The following CASS4 variants were observed in gnomAD, a reference collection of about 807,000 sequenced individuals.
CASS4 encodes the protein cas scaffolding protein family member 4.
CASS4 carries 22 observed loss-of-function variants against 54.2 expected under a neutral mutation model. The observed-to-expected ratio is 0.41, with a 90% CI of 0.29 to 0.58. The LOEUF (loss-of-function observed/expected upper bound fraction) is 0.58. CASS4 is among the 20% of genes least tolerant of loss of function. The probability of loss-of-function intolerance (pLI) is 0.36; values close to 1 mark genes in which losing one functional copy is unlikely to be tolerated. For synonymous variants in CASS4, 409 were observed against 391.5 expected (o/e 1.04, Z -0.53); for missense variants, 854 against 986.7 (o/e 0.87, Z 1.80).
chr20:56,419,720 C>T (rs8117604), intron 1 of CASS4, among the ~76,000 whole-genome samples: 22,726 of 151,370 alleles, frequency 0.15, 4,821 homozygotes, highest in African/African-American at 0.48. Context: ...CGTGAGCCAC[C>T]GTGCCCGGCT....
chr20:56,458,321 T>C lies in CASS4; in HGVS notation c.1954-19T>C, dbSNP rs1981398858. 1.3e-6 allele frequency: 2 copies of C among 1,592,946 alleles called. No individual in the cohort carries two copies. The highest frequency in any genetic ancestry group is 2.2e-5 in the South Asian group (2 of 90,300). On this transcript the variant is annotated intron_variant, in intron 5 of 5. Coordinates refer to ENST00000679887, the MANE Select transcript of CASS4 (RefSeq NM_020356.4). The stretch of plus-strand genomic sequence containing the variant: ...CATTGATTGAATCTCCTATCTATTT[T>C]CTTCCTTCCCTTCTTTAGAATCCTG...
At chr20:56,447,680 T>C (rs1299730278) in intron 3 of CASS4, among the ~76,000 whole-genome samples, 2 of 152,144 alleles carry the variant, frequency 1.3e-5, no homozygotes, top group Non-Finnish European at 2.9e-5. Flanking sequence ...CTCCCTTAGC[T>C]CTGGGGCAGG....
intron 2 of CASS4, among the ~76,000 whole-genome samples, chr20:56,444,623 G>C (rs1198450111): frequency 6.6e-6 from 1 of 152,152 alleles, no homozygotes. Flanking sequence ...AAGTTCCCCA[G>C]GGGACTCGGA....
chr20:56,445,516 C>T (rs554730842), intron 2 of CASS4, among the ~76,000 whole-genome samples: 1 of 152,372 alleles, frequency 6.6e-6, no homozygotes, highest in Non-Finnish European at 1.5e-5. Context: ...ATCAGAGTCA[C>T]AGCCTCCTGG....
chr20:56,430,691 C>T lies in CASS4; in HGVS notation c.37-6473C>T, dbSNP rs566807244. Among the ~76,000 whole-genome samples the T allele has an allele frequency of 6.6e-6, 1 of 152,156 alleles. No individual in the cohort carries two copies. Among genetic ancestry groups the T allele is most frequent in the Non-Finnish European group, 1.5e-5 (1 of 68,034 alleles). ...TGTCCAGTGCTCCCTGCACGCCCAG[C>T]CTGACCATAACAGCCTGAGCCCAGC... On this transcript the variant is annotated intron_variant, in intron 1 of 5. Coordinates refer to ENST00000679887, the MANE Select transcript of CASS4 (RefSeq NM_020356.4). The surrounding 1 kb of genome is among the most constrained non-coding windows in gnomAD (Gnocchi z 4.2).
intron 2 of CASS4, among the ~76,000 whole-genome samples, chr20:56,442,676 C>A (rs983476731): frequency 1.4e-5 from 2 of 148,104 alleles, no homozygotes; most frequent in Non-Finnish European, 3.0e-5. Flanking sequence ...AAAAAAAAAA[C>A]CCACCACATC....
At chr20:56,445,766 C>T (rs934573269) in intron 2 of CASS4, 134 bp from the exon 3 acceptor site, 25 of 619,672 alleles carry the variant, frequency 4.0e-5, no homozygotes, top group Admixed American at 1.9e-4. Context: ...AAGAGCCTGC[C>T]AGCGGGGGTG....
chr20:56,456,457 T>C (rs1358360527), intron 5 of CASS4, among the ~76,000 whole-genome samples: 1 of 151,962 alleles, frequency 6.6e-6, no homozygotes, highest in East Asian at 1.9e-4. Context: ...CATTGCAATC[T>C]CCGCCTCACA....
intron 3 of CASS4, 28 bp from the exon 4 acceptor site, chr20:56,450,570 AG>A (rs1373579551): frequency 6.2e-7 from 1 of 1,602,682 alleles, no homozygotes. Flanking sequence ...GAAACATTCA[AG>A]TTGTCTGCCT....
At chr20:56,418,772 C>A (rs368527507) in intron 1 of CASS4, among the ~76,000 whole-genome samples, 1 of 152,126 alleles carries the variant, frequency 6.6e-6, no homozygotes, top group Non-Finnish European at 1.5e-5. Context: ...ATGTGTGTTA[C>A]GTTTGATTCA....
rs973640370 is a variant in CASS4 at position 56,449,809 on chromosome 20, G to A, written c.562-790G>A. Among the ~76,000 whole-genome samples the A allele has an allele frequency of 9.9e-5, 15 of 152,086 alleles. No homozygotes were observed. In the East Asian group the frequency reaches 1.7e-3, roughly 18 times the overall value. The stretch of plus-strand genomic sequence containing the variant: ...GATGTGCACAGTGTCATCCAGCTTC[G>A]TGTCTGGTCATTAGTGGGCACTCGT... On this transcript the variant is annotated intron_variant, in intron 3 of 5. Coordinates refer to ENST00000679887, the MANE Select transcript of CASS4 (RefSeq NM_020356.4).
At chr20:56,447,992 G>A (rs1568679770) in intron 3 of CASS4, among the ~76,000 whole-genome samples, 1 of 151,910 alleles carries the variant, frequency 6.6e-6, no homozygotes, top group Non-Finnish European at 1.5e-5. Context: ...AATACAAAAA[G>A]TTAGCCGGGC....
chr20:56,429,283 C>T (rs546793038), intron 1 of CASS4, among the ~76,000 whole-genome samples: 5 of 151,990 alleles, frequency 3.3e-5, no homozygotes, highest in South Asian at 2.1e-4. Context: ...TTCAGCAGTG[C>T]GTCCCTCCCT....
Position 56,424,476 on chromosome 20 carries a change from C to A in CASS4, c.36+11982C>A, listed in dbSNP as rs920577572. ...ACAGCTTCGGCCAGGCATGGTGGCT[C>A]ACGCCTGTAATCCTAGCACTTTGGG... On this transcript the variant is annotated intron_variant, in intron 1 of 5. Transcript: ENST00000679887. 5.9e-5 allele frequency among the ~76,000 whole-genome samples: 9 copies of A among 152,144 alleles called. 1 individual carries two copies.
At chr20:56,453,777 A>G (rs913071458) in intron 5 of CASS4, 1 of 152,480 alleles carries the variant, frequency 6.6e-6, no homozygotes, top group African/African-American at 2.4e-5. Context: ...TGGGAGTCTG[A>G]GTGGGGGTAT....
chr20:56,452,815 C>A lies in CASS4; in HGVS notation c.1639C>A (p.Leu547Ile), dbSNP rs1444501272. 1 of 1,614,028 alleles carries A rather than the reference C, an allele frequency of 6.2e-7. No homozygotes were observed. Among genetic ancestry groups the A allele is most frequent in the Non-Finnish European group, 8.5e-7 (1 of 1,180,018 alleles). Residue 547 changes from leucine to isoleucine, a missense_variant, in exon 5 of 6, where the codon CTT (leucine) becomes ATT (isoleucine). By Grantham distance (5) the Leu-to-Ile change is conservative. Coordinates refer to ENST00000679887, the MANE Select transcript of CASS4 (RefSeq NM_020356.4). ...TAATCGCAATTGGCCTCTGGAAGTTCTTGTGACTGACAGTGTCCAGAACAG... is the reference window on the plus strand; with the variant it reads ...TAATCGCAATTGGCCTCTGGAAGTTATTGTGACTGACAGTGTCCAGAACAG... ...LDNRNWPLEV[L>I]VTDSVQNSPD...
At chr20:56,443,877 C>G (rs1980581970) in intron 2 of CASS4, among the ~76,000 whole-genome samples, 1 of 152,162 alleles carries the variant, frequency 6.6e-6, no homozygotes, top group Non-Finnish European at 1.5e-5. Context: ...CTCAGATCCC[C>G]CAGGCGAGAG....
intron 2 of CASS4, among the ~76,000 whole-genome samples, chr20:56,439,205 G>A (rs1181152032): frequency 1.3e-5 from 2 of 151,892 alleles, no homozygotes; most frequent in Admixed American, 1.3e-4. Flanking sequence ...GTCTCGCTCT[G>A]TCTCCCAGGC....
intron 1 of CASS4, among the ~76,000 whole-genome samples, chr20:56,428,589 G>A (rs185702263): frequency 4.5e-4 from 68 of 152,212 alleles, no homozygotes; most frequent in East Asian, 2.7e-3. Context: ...AATGTCTTAC[G>A]CCTGGCCTGT....
Sources: allele counts gnomAD v4.1 joint callset (sites outside exome capture counted in the v4.1 genomes callset), GRCh38; gene constraint gnomAD v4.1.1; non-coding constraint Gnocchi (gnomAD v3.1); transcripts MANE v1.5; gene names NCBI Gene and HGNC (gene_info 2026-07-23, HGNC 2026-07-21).